The following MITF variants were observed in gnomAD, a reference collection of about 807,000 sequenced individuals.
The protein encoded by MITF is microphthalmia-associated transcription factor.
MITF carries 17 observed loss-of-function variants against 60.5 expected under a neutral mutation model. The ratio of observed to expected loss-of-function variants is 0.28; its 90% confidence interval spans 0.19 to 0.42. The LOEUF (loss-of-function observed/expected upper bound fraction) is 0.42. Ranked by LOEUF, MITF falls within the 10% of genes least tolerant of loss-of-function variation. The pLI, the probability that MITF is intolerant of heterozygous loss-of-function variation, is 1.00. For synonymous variants in MITF, 260 were observed against 248.5 expected (o/e 1.05, Z -0.43); for missense variants, 622 against 683.5 (o/e 0.91, Z 1.00).
At chr3:69,900,696 A>C (rs1308518761) in intron 2 of MITF, among the ~76,000 whole-genome samples, 2 of 152,210 alleles carry the variant, frequency 1.3e-5, no homozygotes, top group Admixed American at 1.3e-4. Context: ...TCTGCTTTGA[A>C]TACTTTGGGA....
chr3:69,933,798 A>G (rs2065774300), intron 2 of MITF, among the ~76,000 whole-genome samples: 1 of 152,180 alleles, frequency 6.6e-6, no homozygotes, highest in Admixed American at 6.6e-5. Context: ...GAAATCATAA[A>G]GATGTTTCTG....
At chr3:69,932,116 G>T (rs1266569141) in intron 2 of MITF, among the ~76,000 whole-genome samples, 1 of 152,190 alleles carries the variant, frequency 6.6e-6, no homozygotes, top group Non-Finnish European at 1.5e-5. Flanking sequence ...CTTCTGTTGA[G>T]TAGGAAAGTT....
chr3:69,897,012 A>C (rs1032468670), intron 2 of MITF, among the ~76,000 whole-genome samples: 1 of 152,194 alleles, frequency 6.6e-6, no homozygotes, highest in East Asian at 1.9e-4. Flanking sequence ...GCAACAATAC[A>C]TACTCTGGAT....
intron 1 of MITF, among the ~76,000 whole-genome samples, chr3:69,821,260 T>G (rs2063266476): frequency 6.6e-6 from 1 of 152,154 alleles, no homozygotes; most frequent in Non-Finnish European, 1.5e-5. Context: ...GCGTAGAAAA[T>G]GCATTTGGGA....
At chr3:69,927,539 A>T (rs541018163) in intron 2 of MITF, among the ~76,000 whole-genome samples, 6 of 152,360 alleles carry the variant, frequency 3.9e-5, no homozygotes, top group South Asian at 2.1e-4. Flanking sequence ...AGTAAAAAAA[A>T]AAATAAATTT....
intron 1 of MITF, among the ~76,000 whole-genome samples, chr3:69,817,497 C>A (rs1401275578): frequency 6.6e-6 from 1 of 151,752 alleles, no homozygotes; most frequent in African/African-American, 2.4e-5. Flanking sequence ...ACTGTATACT[C>A]TGGATGGATG....
At chr3:69,822,544 G>A (rs1207937352) in intron 1 of MITF, among the ~76,000 whole-genome samples, 1 of 152,194 alleles carries the variant, frequency 6.6e-6, no homozygotes, top group African/African-American at 2.4e-5. Flanking sequence ...AAGTGACAGA[G>A]CTTGCATTCC....
At chr3:69,825,590 T>C (rs1004540559) in intron 1 of MITF, among the ~76,000 whole-genome samples, 2 of 152,214 alleles carry the variant, frequency 1.3e-5, no homozygotes, top group Non-Finnish European at 2.9e-5. Flanking sequence ...CGTTGTTTCC[T>C]TCCACCCTCA....
intron 2 of MITF, among the ~76,000 whole-genome samples, chr3:69,917,936 T>C (rs1345928988): frequency 6.6e-6 from 1 of 152,166 alleles, no homozygotes; most frequent in Admixed American, 6.5e-5. Context: ...CTTTGATCAA[T>C]AGAAAGACAA....
Position 69,776,647 on chromosome 3 carries a change from C to T in MITF, c.104+36946C>T, listed in dbSNP as rs377618842. The stretch of plus-strand genomic sequence containing the variant: ...ACAGTTAGTCTGCAAGTTCTTGAAC[C>T]AGACTTCATAATGTACCAAGTATGT... On this transcript the variant is annotated intron_variant, in intron 1 of 9. Coordinates refer to ENST00000352241, the MANE Select transcript of MITF (RefSeq NM_001354604.2). Among the ~76,000 whole-genome samples the T allele has an allele frequency of 2.0e-5, 3 of 152,246 alleles. No individual in the cohort carries two copies. In the East Asian group the frequency reaches 5.8e-4, roughly 29 times the overall value.
At chr3:69,858,911 T>A (rs764258471) in intron 1 of MITF, among the ~76,000 whole-genome samples, 2 of 152,206 alleles carry the variant, frequency 1.3e-5, no homozygotes, top group Non-Finnish European at 2.9e-5. Context: ...AATAGAGTCC[T>A]CGCTCCTTGT....
chr3:69,884,913 A>G (rs1215069041), intron 2 of MITF, among the ~76,000 whole-genome samples: 1 of 152,210 alleles, frequency 6.6e-6, no homozygotes, highest in Admixed American at 6.5e-5. Flanking sequence ...CAGCCTTTAC[A>G]CAACTAAGCC....
At chr3:69,909,264 A>G (rs2065170288) in intron 2 of MITF, among the ~76,000 whole-genome samples, 3 of 152,198 alleles carry the variant, frequency 2.0e-5, no homozygotes, top group Admixed American at 1.3e-4. Context: ...ACCACCATAT[A>G]AGTGCCTTTT....
chr3:69,871,849 G>T (rs559461268), intron 1 of MITF, among the ~76,000 whole-genome samples: 1 of 152,214 alleles, frequency 6.6e-6, no homozygotes, highest in South Asian at 2.1e-4. Context: ...TCTGTCATTA[G>T]TTTGTCATTG....
intron 2 of MITF, among the ~76,000 whole-genome samples, chr3:69,911,053 G>A (rs138340416): frequency 0.015 from 2,348 of 152,120 alleles, 29 homozygotes; most frequent in Middle Eastern, 0.051. Context: ...AGGGACCCAG[G>A]GGGAGGTAAT....
At chr3:69,783,080 A>G (rs564708871) in intron 1 of MITF, among the ~76,000 whole-genome samples, 1 of 152,140 alleles carries the variant, frequency 6.6e-6, no homozygotes, top group African/African-American at 2.4e-5. Context: ...ACACCTTTTG[A>G]CCTTATTCCA....
At chr3:69,786,741 C>T (rs767906176) in intron 1 of MITF, among the ~76,000 whole-genome samples, 14 of 152,170 alleles carry the variant, frequency 9.2e-5, no homozygotes, top group Non-Finnish European at 2.1e-4. Flanking sequence ...GTGGAAATAC[C>T]GTCATTTAAA....
At position 69,936,695 on chromosome 3, in the gene MITF, C is replaced by T. The variant is rs201445819; in HGVS notation, c.355-1127C>T. 2.4e-4 allele frequency: 387 copies of T among 1,613,378 alleles called. No individual in the cohort carries two copies. The African/African-American group carries it at 4.3e-3, about 18-fold the overall frequency. On this transcript the variant is annotated intron_variant, in intron 2 of 9. Coordinates refer to ENST00000352241, the MANE Select transcript of MITF (RefSeq NM_001354604.2). The stretch of plus-strand genomic sequence containing the variant: ...GGGAGGGATAGTCTACCGTCTCTCA[C>T]TGGATTGGTGCCACCTAAAACATTG...
At chr3:69,945,194 A>G (rs563493011) in intron 5 of MITF, among the ~76,000 whole-genome samples, 2 of 152,306 alleles carry the variant, frequency 1.3e-5, no homozygotes, top group Non-Finnish European at 2.9e-5. Flanking sequence ...AACGTTTTAC[A>G]ATTATCATTT....
Sources: allele counts gnomAD v4.1 joint callset (sites outside exome capture counted in the v4.1 genomes callset), GRCh38; gene constraint gnomAD v4.1.1; transcripts MANE v1.5; gene names NCBI Gene and HGNC (gene_info 2026-07-23, HGNC 2026-07-21).